DENND1A: variants seen among roughly 807,000 people sequenced by gnomAD.
DENND1A encodes the protein DENN domain containing 1A.
In DENND1A, 51 loss-of-function variants were observed where a neutral mutation model predicts 113.7. That is an observed-to-expected ratio of 0.45 (90% CI 0.36 to 0.57). The LOEUF (loss-of-function observed/expected upper bound fraction) is 0.57. DENND1A is among the 20% of genes least tolerant of loss of function. The pLI, the probability that DENND1A is intolerant of heterozygous loss-of-function variation, is 0.00. For synonymous variants in DENND1A, 565 were observed against 570.8 expected (o/e 0.99, Z 0.14); for missense variants, 1,258 against 1,395.9 (o/e 0.90, Z 1.57).
Position 123,539,756 on chromosome 9 carries a change from G to A in DENND1A, c.993+17814C>T, listed in dbSNP as rs377538849. On this transcript the variant is annotated intron_variant, in intron 13 of 23. Coordinates refer to ENST00000394215, the MANE Select transcript of DENND1A (RefSeq NM_001352964.2). ...AAATTAGCCGGGCACGGTGGCGGGC[G>A]CCTGTAGTCCCAGCTACTCAGGAGG... Among the ~76,000 whole-genome samples, 73 of 152,066 alleles carry A rather than the reference G, an allele frequency of 4.8e-4. No homozygotes were observed. In the East Asian group the frequency reaches 6.6e-3, roughly 14 times the overall value.
In DENND1A at chr9:123,413,468, T is replaced by G. The variant is rs2044471634; in HGVS notation, c.1489-1639A>C. The G allele has an allele frequency of 5.1e-6, 5 of 985,334 alleles. No homozygotes were observed. The South Asian group carries it at 1.9e-4, about 37-fold the overall frequency. The allele number at this position is 985,334 out of a possible 1,614,324, so 61.0% of individuals were successfully genotyped here. On this transcript the variant is annotated intron_variant, in intron 19 of 23. Transcript: ENST00000394215. ...GGAGTGACACTTCAGATCTCAAATC[T>G]GCCTTAGAATTTGTTTTCTGAACCT... is the stretch of plus-strand genomic sequence containing the variant.
chr9:123,732,146 T>C (rs2068222565), intron 5 of DENND1A, among the ~76,000 whole-genome samples: 1 of 152,198 alleles, frequency 6.6e-6, no homozygotes, highest in South Asian at 2.1e-4. Flanking sequence ...CTTACAAAGT[T>C]GAACATACGC....
intron 10 of DENND1A, among the ~76,000 whole-genome samples, chr9:123,618,866 C>G (rs1050020586): frequency 2.7e-5 from 4 of 150,836 alleles, no homozygotes; most frequent in Non-Finnish European, 5.9e-5. Flanking sequence ...GAATGGCAAC[C>G]ATCTACACAG....
intron 5 of DENND1A, among the ~76,000 whole-genome samples, chr9:123,717,294 G>A (rs2067036456): frequency 6.6e-6 from 1 of 152,164 alleles, no homozygotes; most frequent in Non-Finnish European, 1.5e-5. Context: ...CCTGTTTGTT[G>A]AAAGAATGAA....
At chr9:123,538,809 C>CATATATAT (rs35223887) in intron 13 of DENND1A, among the ~76,000 whole-genome samples, 8 of 22,450 alleles carry the variant, frequency 3.6e-4, no homozygotes, top group South Asian at 1.9e-3. Flanking sequence ...ACAACTCATA[C>CATATATAT]ATATATATAT....
chr9:123,860,832 C>T (rs1206053599), intron 2 of DENND1A, among the ~76,000 whole-genome samples: 1 of 152,220 alleles, frequency 6.6e-6, no homozygotes, highest in Non-Finnish European at 1.5e-5. Flanking sequence ...TCATAATGCA[C>T]TGGGCCATAA....
chr9:123,872,831 T>C (rs1223277449), intron 2 of DENND1A, among the ~76,000 whole-genome samples: 1 of 152,180 alleles, frequency 6.6e-6, no homozygotes, highest in Admixed American at 6.5e-5. Context: ...CAGAAGTTTA[T>C]AGAACAAAAT....
intron 3 of DENND1A, among the ~76,000 whole-genome samples, chr9:123,791,800 G>A (rs1833025736): frequency 6.6e-6 from 1 of 152,144 alleles, no homozygotes; most frequent in African/African-American, 2.4e-5. Flanking sequence ...GTCTTATTCA[G>A]TGTAATCAAG....
chr9:123,509,897 A>G (rs1293417250), intron 13 of DENND1A, among the ~76,000 whole-genome samples: 1 of 152,176 alleles, frequency 6.6e-6, no homozygotes, highest in Non-Finnish European at 1.5e-5. Flanking sequence ...GTCATCTCCA[A>G]TGCCTCTATC....
At chr9:123,442,036 T>C (rs2046968260) in intron 18 of DENND1A, among the ~76,000 whole-genome samples, 1 of 152,214 alleles carries the variant, frequency 6.6e-6, no homozygotes, top group African/African-American at 2.4e-5. Flanking sequence ...GCATGAAGAT[T>C]AAAGGAGACA....
In DENND1A at chr9:123,506,664, C is replaced by G. The variant is rs190567107; in HGVS notation, c.994-48767G>C. Among the ~76,000 whole-genome samples the G allele has an allele frequency of 4.4e-4, 65 of 146,316 alleles. 1 individual carries two copies. The highest frequency in any genetic ancestry group is 1.4e-3 in the African/African-American group (54 of 39,956). On this transcript the variant is annotated intron_variant, in intron 13 of 23. Transcript: ENST00000394215. ...CCACATTTATCCTCATAACAACTTA[C>G]AGAGATTAGGGTAATTATGACTGTT...
rs141785663 is a variant in DENND1A at position 123,510,309 on chromosome 9, T to A, written c.993+47261A>T. On this transcript the variant is annotated intron_variant, in intron 13 of 23. Transcript: ENST00000394215. ...GGGTTGAACCTGTTGATTACATCTT[T>A]ATACATGTTATGCGGTCATATGAAC... is the stretch of plus-strand genomic sequence containing the variant. Among the ~76,000 whole-genome samples, 5 of 152,394 alleles carry A rather than the reference T, an allele frequency of 3.3e-5. No homozygotes were observed. In the East Asian group the frequency reaches 9.6e-4, roughly 29 times the overall value.
intron 9 of DENND1A, among the ~76,000 whole-genome samples, chr9:123,641,904 A>C (rs1194665487): frequency 2.0e-5 from 3 of 152,184 alleles, no homozygotes; most frequent in African/African-American, 7.2e-5. Context: ...CATTTTAACA[A>C]GTTTTCTGGG....
intron 12 of DENND1A, among the ~76,000 whole-genome samples, chr9:123,570,128 GAAGGATGACTGTTTCTC>G (rs1429261890): frequency 6.6e-6 from 1 of 152,120 alleles, no homozygotes; most frequent in Non-Finnish European, 1.5e-5. Flanking sequence ...TCCTTTCCAG[GAAGGATGACTGTTTCTC>G]AAGTGTTTCC....
chr9:123,685,541 T>A (rs1360859922), intron 5 of DENND1A, among the ~76,000 whole-genome samples: 3 of 152,234 alleles, frequency 2.0e-5, no homozygotes, highest in Non-Finnish European at 4.4e-5. Context: ...TGGATTTGAT[T>A]TTGGAAACAA....
rs148873186 is a variant in DENND1A at position 123,697,870 on chromosome 9, A to C, written c.303-21081T>G. On this transcript the variant is annotated intron_variant, in intron 5 of 23. Transcript: ENST00000394215. ...TACATAAGCCTTTAACATGGAAATGAAAGTGAAAAGACATTCTAAATATAA... is the reference window on the plus strand; with the variant it reads ...TACATAAGCCTTTAACATGGAAATGCAAGTGAAAAGACATTCTAAATATAA... 8.5e-5 allele frequency among the ~76,000 whole-genome samples: 13 copies of C among 152,362 alleles called. No individual in the cohort carries two copies. The East Asian group carries it at 2.5e-3, about 29-fold the overall frequency.
intron 20 of DENND1A, among the ~76,000 whole-genome samples, chr9:123,409,655 C>A (rs1274027762): frequency 2.6e-5 from 4 of 151,948 alleles, no homozygotes; most frequent in African/African-American, 9.7e-5. Context: ...GGTGACAATG[C>A]CTACTTCACT....
At chr9:123,423,977 GCTGGCAAC>G (rs1400998710) in intron 19 of DENND1A, among the ~76,000 whole-genome samples, 1 of 152,190 alleles carries the variant, frequency 6.6e-6, no homozygotes, top group African/African-American at 2.4e-5. Flanking sequence ...GGGCTGAAGA[GCTGGCAAC>G]CTGGAGGGAA....
chr9:123,769,712 A>G, intron 3 of DENND1A, 149 bp from the exon 4 acceptor site: 1 of 546,586 alleles, frequency 1.8e-6, no homozygotes, highest in South Asian at 3.3e-5. Flanking sequence ...GAGGAGTACC[A>G]GGCAGTCAAT....
Sources: allele counts gnomAD v4.1 joint callset (sites outside exome capture counted in the v4.1 genomes callset), GRCh38; gene constraint gnomAD v4.1.1; transcripts MANE v1.5; gene names NCBI Gene and HGNC (gene_info 2026-07-23, HGNC 2026-07-21).